STK32B: variants seen among roughly 807,000 people sequenced by gnomAD.
STK32B encodes serine/threonine kinase 32B.
A neutral mutation model predicts 52.6 loss-of-function variants in STK32B; 43 were observed. The observed-to-expected ratio is 0.82, with a 90% CI of 0.64 to 1.05. STK32B has a LOEUF of 1.05. STK32B is among the 50% of genes least tolerant of loss of function. The probability of loss-of-function intolerance (pLI) is 0.00; values close to 1 mark genes in which losing one functional copy is unlikely to be tolerated. For missense variants in STK32B, 621 were observed against 534.6 expected (o/e 1.16, Z -1.59); for synonymous variants, 238 against 204.3 (o/e 1.17, Z -1.41).
At chr4:5,477,493 C>T (rs1718332479) in intron 11 of STK32B, among the ~76,000 whole-genome samples, 1 of 152,170 alleles carries the variant, frequency 6.6e-6, no homozygotes, top group South Asian at 2.1e-4. Flanking sequence ...CACCACCCAC[C>T]AGCATCCGGA....
chr4:5,234,838 G>A (rs1724517224), intron 3 of STK32B, among the ~76,000 whole-genome samples: 1 of 152,254 alleles, frequency 6.6e-6, no homozygotes, highest in Non-Finnish European at 1.5e-5. Context: ...TCCCAGTTGG[G>A]ATACATTTTT....
chr4:5,102,803 A>T lies in STK32B; in HGVS notation c.53-37102A>T, dbSNP rs1282233030. ...AATGATCTGCCCACCTCAGCCTCCCAAAGTGCTGGGATTACAGGCGTGAGT... is the reference window on the plus strand; with the variant it reads ...AATGATCTGCCCACCTCAGCCTCCCTAAGTGCTGGGATTACAGGCGTGAGT... On this transcript the variant is annotated intron_variant, in intron 1 of 11. Coordinates refer to ENST00000282908, the MANE Select transcript of STK32B (RefSeq NM_018401.3). 2.1e-5 allele frequency among the ~76,000 whole-genome samples: 3 copies of T among 144,084 alleles called. No individual in the cohort carries two copies. In the East Asian group the frequency reaches 6.6e-4, roughly 32 times the overall value. The allele number at this position is 144,084 out of a possible 152,430, so 94.5% of individuals were successfully genotyped here.
chr4:5,267,179 G>A (rs1363053629), intron 3 of STK32B, among the ~76,000 whole-genome samples: 1 of 152,126 alleles, frequency 6.6e-6, no homozygotes, highest in African/African-American at 2.4e-5. Context: ...CTGTGAGTGA[G>A]GAGGATCTGA....
At chr4:5,387,415 A>G (rs1484457778) in intron 4 of STK32B, among the ~76,000 whole-genome samples, 2 of 152,182 alleles carry the variant, frequency 1.3e-5, no homozygotes, top group African/African-American at 4.8e-5. Context: ...CCCTGTGCTC[A>G]CTGCCAGGCC....
At chr4:5,098,226 A>C (rs890597060) in intron 1 of STK32B, among the ~76,000 whole-genome samples, 2 of 152,226 alleles carry the variant, frequency 1.3e-5, no homozygotes. Context: ...AGCAGTGAAA[A>C]GTGTTAAAGA....
intron 4 of STK32B, among the ~76,000 whole-genome samples, chr4:5,337,919 T>C (rs1318103179): frequency 1.3e-5 from 2 of 152,130 alleles, no homozygotes; most frequent in Non-Finnish European, 2.9e-5. Flanking sequence ...CTAAGTCTCC[T>C]GGGATTGGAG....
At chr4:5,494,161 C>G (rs1408335166) in intron 11 of STK32B, among the ~76,000 whole-genome samples, 3 of 152,100 alleles carry the variant, frequency 2.0e-5, no homozygotes, top group Non-Finnish European at 4.4e-5. Flanking sequence ...GTTGATCTGT[C>G]TAATGTTGAC....
intron 2 of STK32B, among the ~76,000 whole-genome samples, chr4:5,159,964 G>A (rs1227344887): frequency 6.6e-6 from 1 of 151,824 alleles, no homozygotes; most frequent in Non-Finnish European, 1.5e-5. Flanking sequence ...TTCCTCTCCT[G>A]GGAAGTCAGT....
intron 4 of STK32B, among the ~76,000 whole-genome samples, chr4:5,391,169 C>A (rs10030716): frequency 0.011 from 1,722 of 151,894 alleles, 20 homozygotes; most frequent in South Asian, 0.056. Flanking sequence ...CCATGTTAGC[C>A]AGGATGGTCT....
intron 4 of STK32B, among the ~76,000 whole-genome samples, chr4:5,344,653 G>A (rs1398248051): frequency 6.7e-6 from 1 of 148,590 alleles, no homozygotes; most frequent in South Asian, 2.1e-4. Flanking sequence ...TGAGTTTTTT[G>A]TTTTTTCCAT....
chr4:5,351,889 G>T (rs1031724326), intron 4 of STK32B, among the ~76,000 whole-genome samples: 1 of 151,944 alleles, frequency 6.6e-6, no homozygotes, highest in Admixed American at 6.6e-5. Flanking sequence ...AACCTACCAA[G>T]ATTAAATCAG....
intron 3 of STK32B, among the ~76,000 whole-genome samples, chr4:5,204,986 C>T (rs1173582379): frequency 6.6e-6 from 1 of 152,176 alleles, no homozygotes. Context: ...GCATTTGAAT[C>T]AGTAGACTGA....
At chr4:5,175,120 C>A (rs1164914896) in intron 3 of STK32B, among the ~76,000 whole-genome samples, 2 of 152,172 alleles carry the variant, frequency 1.3e-5, no homozygotes, top group Non-Finnish European at 2.9e-5. Context: ...GCATTCGTCA[C>A]GTAGTTCTCG....
chr4:5,438,596 TTTTG>T (rs1188991276), intron 6 of STK32B, among the ~76,000 whole-genome samples: 1 of 152,100 alleles, frequency 6.6e-6, no homozygotes, highest in African/African-American at 2.4e-5. Flanking sequence ...ATTTGACTTT[TTTTG>T]TTTTTGTTTT....
rs139503722 is a variant in STK32B, at chr4:5,095,051, C to T, written c.52+43136C>T. On this transcript the variant is annotated intron_variant, in intron 1 of 11. Coordinates refer to ENST00000282908, the MANE Select transcript of STK32B (RefSeq NM_018401.3). ...GGCAGGTGAGTGACGTAAGGTGGTGCTAATGGCACTGAGACCAGGTGCTCC... is the reference window on the plus strand; with the variant it reads ...GGCAGGTGAGTGACGTAAGGTGGTGTTAATGGCACTGAGACCAGGTGCTCC... Among the ~76,000 whole-genome samples, 342 of 152,296 alleles carry T rather than the reference C, an allele frequency of 2.2e-3. 1 individual carries two copies. The highest frequency in any genetic ancestry group is 7.8e-3 in the African/African-American group (325 of 41,568).
At chr4:5,163,761 G>A (rs1718642915) in intron 2 of STK32B, among the ~76,000 whole-genome samples, 1 of 152,160 alleles carries the variant, frequency 6.6e-6, no homozygotes, top group Non-Finnish European at 1.5e-5. Flanking sequence ...AGCCAGTTTG[G>A]AAGCTATCAG....
intron 3 of STK32B, among the ~76,000 whole-genome samples, chr4:5,235,392 C>T (rs574002367): frequency 7.2e-5 from 11 of 152,312 alleles, no homozygotes; most frequent in Non-Finnish European, 1.2e-4. Flanking sequence ...CACTGTCCTC[C>T]ATTTCCTCAT....
In STK32B at chr4:5,165,980, G is replaced by C. The variant is rs1247712466; in HGVS notation, c.109-2319G>C. 2.6e-5 allele frequency among the ~76,000 whole-genome samples: 4 copies of C among 152,186 alleles called. No individual in the cohort carries two copies. In the East Asian group the frequency reaches 7.7e-4, roughly 29 times the overall value. On this transcript the variant is annotated intron_variant, in intron 2 of 11. Coordinates refer to ENST00000282908, the MANE Select transcript of STK32B (RefSeq NM_018401.3). ...GTTTCACCCCAGTGGTGCCGGGTGG[G>C]TTTTGCTGACTCAGTTCAGAAATAT...
chr4:5,446,917 T>A, intron 7 of STK32B, 141 bp downstream of exon 7: 1 of 697,432 alleles, frequency 1.4e-6, no homozygotes, highest in Non-Finnish European at 2.4e-6. Context: ...TCAGTCCTGA[T>A]GCCTGTGTGC....
Sources: allele counts gnomAD v4.1 joint callset (sites outside exome capture counted in the v4.1 genomes callset), GRCh38; gene constraint gnomAD v4.1.1; transcripts MANE v1.5; gene names NCBI Gene and HGNC (gene_info 2026-07-23, HGNC 2026-07-21).